SPAG16: variants seen among roughly 807,000 people sequenced by gnomAD.
The protein encoded by SPAG16 is sperm-associated antigen 16 protein.
In SPAG16, 86 loss-of-function variants were observed where a neutral mutation model predicts 80.4. The ratio of observed to expected loss-of-function variants is 1.07; its 90% CI spans 0.90 to 1.28. The LOEUF (loss-of-function observed/expected upper bound fraction) is 1.28, where lower values mean the gene tolerates loss of function less well. Among genes scored for constraint, SPAG16 ranks in the 50% most tolerant of loss-of-function variants. The pLI is 0.00. For missense variants in SPAG16, 870 were observed against 765.3 expected, an observed-to-expected ratio of 1.14 and a Z score of -1.61; for synonymous variants, 294 against 265.9, an observed-to-expected ratio of 1.11 and a Z score of -1.03.
At chr2:213,312,484 A>C (rs2063232164) in intron 4 of SPAG16, among the ~76,000 whole-genome samples, 1 of 151,622 alleles carries the variant, frequency 6.6e-6, no homozygotes, top group Non-Finnish European at 1.5e-5. Flanking sequence ...ACTCACCCTA[A>C]AGATACATTC....
chr2:213,597,129 G>A (rs1211314875), intron 10 of SPAG16, among the ~76,000 whole-genome samples: 1 of 152,092 alleles, frequency 6.6e-6, no homozygotes, highest in South Asian at 2.1e-4. Context: ...TTCCAACAGA[G>A]CTTTGCAATT....
chr2:214,375,051 T>A (rs1333002165), intron 15 of SPAG16, among the ~76,000 whole-genome samples: 2 of 152,136 alleles, frequency 1.3e-5, no homozygotes, highest in Non-Finnish European at 2.9e-5. Context: ...TGAATTTGGG[T>A]CTTGAACATG....
chr2:213,382,381 G>A (rs1051387040), intron 9 of SPAG16, among the ~76,000 whole-genome samples: 2 of 152,172 alleles, frequency 1.3e-5, no homozygotes, highest in African/African-American at 4.8e-5. Flanking sequence ...ACCCTTAATA[G>A]AGAATATGTA....
At chr2:213,688,055 T>G (rs957661159) in intron 10 of SPAG16, among the ~76,000 whole-genome samples, 4 of 152,134 alleles carry the variant, frequency 2.6e-5, no homozygotes, top group African/African-American at 7.2e-5. Flanking sequence ...TCAAATACAT[T>G]TGAGAAATAC....
In SPAG16 at chr2:214,030,675, T is replaced by G. The variant is rs113678825; in HGVS notation, c.1527+16598T>G. ...TAAATGGCTCTGTGTTCAGAGATGA[T>G]GAACTTACAGCAGATTTGATTCCAA... On this transcript the variant is annotated intron_variant, in intron 13 of 15. Coordinates refer to ENST00000331683, the MANE Select transcript of SPAG16 (RefSeq NM_024532.5). 3.9e-3 allele frequency among the ~76,000 whole-genome samples: 597 copies of G among 152,338 alleles called. 5 individuals carry two copies. The highest frequency in any genetic ancestry group is 0.034 in the East Asian group (176 of 5,182).
At chr2:213,918,728 C>G (rs1575549423) in intron 11 of SPAG16, among the ~76,000 whole-genome samples, 1 of 152,118 alleles carries the variant, frequency 6.6e-6, no homozygotes, top group East Asian at 1.9e-4. Flanking sequence ...TTTATAAATA[C>G]CCAGTCTCAA....
At chr2:213,681,857 C>G (rs2125262541) in intron 10 of SPAG16, among the ~76,000 whole-genome samples, 1 of 152,294 alleles carries the variant, frequency 6.6e-6, no homozygotes, top group African/African-American at 2.4e-5. Flanking sequence ...TTTCTTCTTT[C>G]CACTCCCCAT....
At chr2:213,406,865 T>C (rs1039020191) in intron 9 of SPAG16, among the ~76,000 whole-genome samples, 1 of 145,450 alleles carries the variant, frequency 6.9e-6, no homozygotes, top group Non-Finnish European at 1.5e-5. Context: ...CCTAGTGTGG[T>C]GGCCTCAGGG....
chr2:214,005,542 G>A (rs543699612), intron 12 of SPAG16, among the ~76,000 whole-genome samples: 5 of 152,158 alleles, frequency 3.3e-5, no homozygotes, highest in South Asian at 4.1e-4. Flanking sequence ...CTCAGACCAC[G>A]TGATTTTCAT....
At chr2:213,621,217 AGATT>A (rs2061771147) in intron 10 of SPAG16, among the ~76,000 whole-genome samples, 1 of 152,188 alleles carries the variant, frequency 6.6e-6, no homozygotes, top group African/African-American at 2.4e-5. Context: ...TGAAATATTT[AGATT>A]GATCTTTTTT....
At chr2:213,721,067 A>G (rs1201196347) in intron 10 of SPAG16, among the ~76,000 whole-genome samples, 1 of 151,556 alleles carries the variant, frequency 6.6e-6, no homozygotes, top group African/African-American at 2.4e-5. Flanking sequence ...TAAGTTCTTA[A>G]AACATTTTCT....
intron 15 of SPAG16, among the ~76,000 whole-genome samples, chr2:214,286,473 G>C (rs572089210): frequency 6.6e-6 from 1 of 152,258 alleles, no homozygotes; most frequent in Admixed American, 6.5e-5. Flanking sequence ...GAGGCTGGGC[G>C]TGGTGGCTCA....
intron 5 of SPAG16, among the ~76,000 whole-genome samples, chr2:213,320,833 G>A (rs1190733381): frequency 6.6e-6 from 1 of 151,860 alleles, no homozygotes; most frequent in Admixed American, 6.6e-5. Context: ...GGGTACTTAG[G>A]TTGATTCCAC....
chr2:214,382,129 T>G (rs889365939), intron 15 of SPAG16, among the ~76,000 whole-genome samples: 3 of 152,222 alleles, frequency 2.0e-5, no homozygotes, highest in African/African-American at 7.2e-5. Flanking sequence ...TGCTGTGTGA[T>G]GAATAGAAAA....
chr2:214,049,323 A>G (rs2049512892), intron 13 of SPAG16, among the ~76,000 whole-genome samples: 1 of 152,198 alleles, frequency 6.6e-6, no homozygotes, highest in South Asian at 2.1e-4. Context: ...TTCCGTCAAT[A>G]TTTGACTTTT....
Position 214,014,120 on chromosome 2 carries a change from T to C in SPAG16, c.1527+43T>C, listed in dbSNP as rs376521028. On this transcript the variant is annotated intron_variant, in intron 13 of 15. Transcript: ENST00000331683. ...TTTTTTTCCCAGCTTTTGATAAGTC[T>C]GATTACTCTCGGTCATTCTTTGGGT... is the stretch of plus-strand genomic sequence containing the variant. The C allele has an allele frequency of 1.6e-5, 26 of 1,605,236 alleles. No individual in the cohort carries two copies. The Middle Eastern group carries it at 6.6e-4, about 41-fold the overall frequency.
chr2:213,314,037 A>G (rs59078087), intron 4 of SPAG16, among the ~76,000 whole-genome samples: 1,647 of 151,960 alleles, frequency 0.011, 31 homozygotes, highest in African/African-American at 0.037. Context: ...TATTCTTCTG[A>G]CACCATTTCT....
intron 13 of SPAG16, among the ~76,000 whole-genome samples, chr2:214,027,983 A>G (rs1510555): frequency 0.26 from 39,106 of 151,808 alleles, 5,284 homozygotes; most frequent in East Asian, 0.48. Context: ...ATTAAAATAT[A>G]TATTTGTAAA....
At chr2:213,441,467 A>G (rs2070950171) in intron 9 of SPAG16, among the ~76,000 whole-genome samples, 1 of 152,238 alleles carries the variant, frequency 6.6e-6, no homozygotes, top group Non-Finnish European at 1.5e-5. Context: ...TAGGATTCCC[A>G]AAGACAAGAG....
Sources: allele counts gnomAD v4.1 joint callset (sites outside exome capture counted in the v4.1 genomes callset), GRCh38; gene constraint gnomAD v4.1.1; transcripts MANE v1.5; gene names NCBI Gene and HGNC (gene_info 2026-07-23, HGNC 2026-07-21).